ADD3: variants seen among roughly 807,000 people sequenced by gnomAD.
The protein encoded by ADD3 is adducin 3.
ADD3 carries 25 observed loss-of-function variants against 80.2 expected under a neutral mutation model. The observed-to-expected ratio is 0.31, with a 90% CI of 0.23 to 0.44. ADD3 has a LOEUF of 0.44. Ranked by LOEUF, ADD3 falls within the 20% of genes least tolerant of loss-of-function variation. ADD3 has a pLI of 1.00. For missense variants in ADD3, 829 were observed against 847.5 expected (o/e 0.98, Z 0.27); for synonymous variants, 284 against 289.6 (o/e 0.98, Z 0.20).
chr10:110,000,353 A>C (rs1351738025), intron 1 of ADD3, among the ~76,000 whole-genome samples: 1 of 152,250 alleles, frequency 6.6e-6, no homozygotes, highest in African/African-American at 2.4e-5. Flanking sequence ...TTATGTCAGA[A>C]TATAAGCTGG....
chr10:110,054,836 G>A (rs1478950413), intron 1 of ADD3, among the ~76,000 whole-genome samples: 1 of 151,886 alleles, frequency 6.6e-6, no homozygotes, highest in Non-Finnish European at 1.5e-5. Context: ...GGATGGTCTC[G>A]ATCTCCTGAC....
At chr10:110,097,808 T>C (rs556323854) in intron 1 of ADD3, among the ~76,000 whole-genome samples, 1 of 149,982 alleles carries the variant, frequency 6.7e-6, no homozygotes, top group East Asian at 1.9e-4. Flanking sequence ...AGAGTCTCGC[T>C]CTGTCACCCA....
At chr10:110,031,772 A>C (rs1442246852) in intron 1 of ADD3, among the ~76,000 whole-genome samples, 2 of 152,108 alleles carry the variant, frequency 1.3e-5, no homozygotes, top group African/African-American at 4.8e-5. Flanking sequence ...AACTTTTAAA[A>C]ATTGACAAAA....
rs1217733559 is a variant in ADD3 at position 110,065,539 on chromosome 10, C to CTTTTTTT, written c.-29-35074_-29-35068dup. 8.2e-3 allele frequency among the ~76,000 whole-genome samples: 257 copies of CTTTTTTT among 31,176 alleles called. 85 individuals are homozygous for CTTTTTTT. The highest frequency in any genetic ancestry group is 0.044 in the South Asian group (38 of 856). 20.5% of individuals were successfully genotyped at this position (31,176 alleles called of 152,430 possible). ...TTTTTTCTTAGCCTCTCTCTCTCCCCTTTTTTTTTTTTTTTTTTGAGAAAG... is the reference window on the plus strand; with the variant it reads ...TTTTTTCTTAGCCTCTCTCTCTCCCCTTTTTTTTTTTTTTTTTTTTTTTTTGAGAAAG... On this transcript the variant is annotated intron_variant, in intron 1 of 14. Transcript: ENST00000356080.
intron 1 of ADD3, among the ~76,000 whole-genome samples, chr10:110,063,082 G>A (rs976194472): frequency 3.3e-5 from 5 of 152,024 alleles, no homozygotes; most frequent in Admixed American, 1.3e-4. Flanking sequence ...ATTTAGTTTC[G>A]AACAATGTCT....
chr10:110,065,542 T>TTTTTTTTTTTTTTC (rs1564917297), intron 1 of ADD3, among the ~76,000 whole-genome samples: 5 of 78,698 alleles, frequency 6.4e-5, no homozygotes, highest in African/African-American at 2.3e-4. Flanking sequence ...CTCTCCCCTT[T>TTTTTTTTTTTTTTC]TTTTTTTTTT....
At chr10:110,130,577 C>T (rs1852832194) in intron 13 of ADD3, 91 bp downstream of exon 13, 20 of 1,399,944 alleles carry the variant, frequency 1.4e-5, no homozygotes, top group South Asian at 4.0e-5. Context: ...TCAGTGTGGC[C>T]GGGCACAATG....
intron 1 of ADD3, among the ~76,000 whole-genome samples, chr10:110,064,106 T>G (rs1843617491): frequency 6.6e-6 from 1 of 152,170 alleles, no homozygotes; most frequent in Non-Finnish European, 1.5e-5. Context: ...TTGTATGTAC[T>G]GTATTCCATT....
At position 110,116,272 on chromosome 10, in the gene ADD3, C is replaced by G. The variant is rs758251173; in HGVS notation, c.348C>G (p.Val116=). 1 of 1,613,844 alleles carries G rather than the reference C, an allele frequency of 6.2e-7. No individual in the cohort carries two copies. Among genetic ancestry groups the G allele is most frequent in the Non-Finnish European group, 8.5e-7 (1 of 1,179,944 alleles). ...FSSPPLSLGM[V]TPINDLPGAD... ...TTGCTCTTTTAGGTCTTGGCATGGT[C>G]ACACCTATCAATGACCTTCCTGGTG... Residue 116 remains valine (V), a synonymous_variant, in exon 4 of 15, where the codon GTC becomes GTG. Transcript: ENST00000356080.
chr10:110,130,013 T>C (rs1161014369), intron 12 of ADD3, among the ~76,000 whole-genome samples: 3 of 152,226 alleles, frequency 2.0e-5, no homozygotes, highest in Admixed American at 6.5e-5. Flanking sequence ...CTGTAAGCCT[T>C]TTTTACAGTG....
intron 1 of ADD3, among the ~76,000 whole-genome samples, chr10:110,050,435 A>G (rs1333919978): frequency 6.6e-6 from 1 of 150,772 alleles, no homozygotes; most frequent in African/African-American, 2.4e-5. Context: ...ACCATATAAG[A>G]CATGTCTTTT....
chr10:110,002,429 C>G (rs537104347), upstream of ADD3, among the ~76,000 whole-genome samples: 92 of 152,122 alleles, frequency 6.0e-4, 1 homozygote, highest in East Asian at 0.012. Context: ...TCCCGCCCCC[C>G]ACACCGGGCT....
At chr10:110,021,262 AAT>A (rs1396260850) in intron 1 of ADD3, among the ~76,000 whole-genome samples, 2 of 152,226 alleles carry the variant, frequency 1.3e-5, no homozygotes, top group Non-Finnish European at 2.9e-5. Flanking sequence ...TGAAAATAAA[AAT>A]AGTGTTGTTA....
At chr10:110,002,460 G>C (rs942358079), upstream of ADD3, among the ~76,000 whole-genome samples, 4 of 152,058 alleles carry the variant, frequency 2.6e-5, no homozygotes, top group Admixed American at 2.6e-4. Flanking sequence ...ATTTTTAGTA[G>C]AGACGGGGTT....
At chr10:110,020,965 C>G (rs1853604296) in intron 1 of ADD3, among the ~76,000 whole-genome samples, 1 of 152,084 alleles carries the variant, frequency 6.6e-6, no homozygotes, top group Non-Finnish European at 1.5e-5. Flanking sequence ...CATCTATTTG[C>G]AAGTTGCTAT....
chr10:110,078,766 G>A (rs1845674909), intron 1 of ADD3, among the ~76,000 whole-genome samples: 1 of 152,096 alleles, frequency 6.6e-6, no homozygotes, highest in Non-Finnish European at 1.5e-5. Context: ...TTTCTGTTAT[G>A]TTTCATTTCA....
chr10:110,115,054 G>T (rs1850540274), intron 3 of ADD3, among the ~76,000 whole-genome samples: 1 of 148,106 alleles, frequency 6.8e-6, no homozygotes, highest in Admixed American at 6.8e-5. Context: ...ATTGCAGCCT[G>T]GGTGACAGAG....
At chr10:110,112,391 A>G (rs1850154830) in intron 2 of ADD3, 1 of 159,904 alleles carries the variant, frequency 6.3e-6, no homozygotes, top group African/African-American at 2.4e-5. Context: ...AAGTGCTGAG[A>G]TTATAGGCGT....
At chr10:110,030,746 A>G (rs1263297565) in intron 1 of ADD3, among the ~76,000 whole-genome samples, 1 of 151,744 alleles carries the variant, frequency 6.6e-6, no homozygotes, top group Non-Finnish European at 1.5e-5. Flanking sequence ...GAAAAAGAAC[A>G]TAAAATAACT....
Sources: allele counts gnomAD v4.1 joint callset (sites outside exome capture counted in the v4.1 genomes callset), GRCh38; gene constraint gnomAD v4.1.1; transcripts MANE v1.5; gene names NCBI Gene and HGNC (gene_info 2026-07-23, HGNC 2026-07-21).